ADAD2: variants seen among roughly 807,000 people sequenced by gnomAD.
ADAD2 encodes the protein adenosine deaminase domain-containing protein 2.
In ADAD2, 60 loss-of-function variants were observed where a neutral mutation model predicts 54.5. The observed-to-expected ratio is 1.10, with a 90% confidence interval of 0.89 to 1.36. The LOEUF is 1.36. Among genes scored for constraint, ADAD2 ranks in the 40% most tolerant of loss-of-function variants. ADAD2 has a pLI of 0.00. For synonymous variants in ADAD2, 543 were observed against 366.2 expected (o/e 1.48, Z -5.51); for missense variants, 1,103 against 801.3 (o/e 1.38, Z -4.54).
intron 6 of ADAD2, 27 bp from the exon 7 acceptor site, chr16:84,195,788 T>A: frequency 6.4e-7 from 1 of 1,571,242 alleles, no homozygotes; most frequent in Non-Finnish European, 8.6e-7. Context: ...GCCCTGAAGC[T>A]GATGTCTGTC....
chr16:84,194,277 G>A (rs769312079), intron 1 of ADAD2, 165 bp from the exon 2 acceptor site: 4 of 1,551,626 alleles, frequency 2.6e-6, no homozygotes, highest in Non-Finnish European at 3.5e-6. Flanking sequence ...ACTCAAGGGT[G>A]TGCGCGGCAT....
Position 84,196,965 on chromosome 16 carries a change from C to A in ADAD2, c.1743C>A (p.Phe581Leu), listed in dbSNP as rs1267837859. ...AWPSKPLVGK[F>L]RN ...CCTCGAAGCCACTGGTGGGCAAATT[C>A]AGAAACTGAAGCCAGCCTCGGCGGG... The change falls in exon 10 of 10, where the codon TTC becomes TTA. Residue 581 changes from phenylalanine to leucine, a missense_variant. Phe to Leu is a conservative substitution (Grantham distance 22). Coordinates refer to ENST00000315906, the MANE Select transcript of ADAD2 (RefSeq NM_001145400.2). The A allele has an allele frequency of 6.2e-7, 1 of 1,602,424 alleles. No homozygotes were observed.
Position 84,191,373 on chromosome 16 carries a change from C to A in ADAD2, c.143C>A (p.Ala48Glu), listed in dbSNP as rs769891679. Reference protein sequence around the residue: ...QAQSAWGPAPAPATYRAEGGW... With the variant: ...QAQSAWGPAPEPATYRAEGGW... Reference sequence around the variant, plus strand: ...CAAAGTGCCTGGGGGCCCGCGCCCGCGCCCGCGACGTATCGCGCGGAGGGC... The same window carrying A: ...CAAAGTGCCTGGGGGCCCGCGCCCGAGCCCGCGACGTATCGCGCGGAGGGC... Residue 48 changes from alanine to glutamate, a missense_variant, in exon 1 of 10, where the codon GCG (alanine) becomes GAG (glutamate). Coordinates refer to ENST00000315906, the MANE Select transcript of ADAD2 (RefSeq NM_001145400.2). The A allele has an allele frequency of 2.0e-6, 3 of 1,526,970 alleles. No homozygotes were observed. The highest frequency in any genetic ancestry group is 2.6e-6 in the Non-Finnish European group (3 of 1,142,210). The allele number at this position is 1,526,970 out of a possible 1,614,324, so 94.6% of individuals were successfully genotyped here. A position where few individuals can be genotyped will look rare whatever the true frequency, so the allele number is the denominator to read the frequency against.
In ADAD2 at chr16:84,195,997, T is replaced by G. The variant is rs1336696935; in HGVS notation, c.1235T>G (p.Leu412Arg). 1 of 1,598,724 alleles carries G rather than the reference T, an allele frequency of 6.3e-7. No homozygotes were observed. The highest frequency in any genetic ancestry group is 8.5e-7 in the Non-Finnish European group (1 of 1,179,608). Residue 412 changes from leucine to arginine, a missense_variant, in exon 7 of 10, where the codon CTG (leucine) becomes CGG (arginine). Coordinates refer to ENST00000315906, the MANE Select transcript of ADAD2 (RefSeq NM_001145400.2). ...GCCGTGCTGGGGCTGGGTGGTGCCC[T>G]GCTGGCCCACCTGGTGTCCCCACTC... ...RWAVLGLGGA[L>R]LAHLVSPLYS...
In ADAD2 at chr16:84,191,466, G is replaced by A; in HGVS notation, c.236G>A (p.Gly79Glu). The change falls in exon 1 of 10, where the codon GGG (glycine) becomes GAG (glutamate). Residue 79 changes from glycine to glutamate, a missense_variant. Physicochemically the swap from Gly to Glu is moderately conservative, Grantham distance 98. Coordinates refer to ENST00000315906, the MANE Select transcript of ADAD2 (RefSeq NM_001145400.2). ...GCAGGGGCCGGAGTCGGGGAACTGG[G>A]GGCAGCCCGGGCGTGGGAAAACTTG... ...PGAGAGVGEL[G>E]AARAWENLGE... 9.8e-6 allele frequency: 15 copies of A among 1,532,988 alleles called. No homozygotes were observed. Among genetic ancestry groups the A allele is most frequent in the Non-Finnish European group, 1.3e-5 (15 of 1,142,102 alleles). The allele number at this position is 1,532,988 out of a possible 1,614,324, so 95.0% of individuals were successfully genotyped here.
At chr16:84,191,692 C>T (rs1433224928) in intron 1 of ADAD2, 44 bp downstream of exon 1, 3 of 1,544,838 alleles carry the variant, frequency 1.9e-6, no homozygotes, top group East Asian at 2.4e-5. Flanking sequence ...GGCAGAGCCA[C>T]GGAGGGCTGG....
In ADAD2 at chr16:84,195,462, G is replaced by T. The variant is rs543385532; in HGVS notation, c.884+16G>T. 1.2e-6 allele frequency: 2 copies of T among 1,606,908 alleles called. No individual in the cohort carries two copies. The highest frequency in any genetic ancestry group is 8.5e-7 in the Non-Finnish European group (1 of 1,176,796). ...CCCTGCTGAGGTGAGGGGCAGTGGG[G>T]TGGGCGCCTGATAGCAGCCTTCGCC... On this transcript the variant is annotated intron_variant, in intron 5 of 9. Coordinates refer to ENST00000315906, the MANE Select transcript of ADAD2 (RefSeq NM_001145400.2).
At chr16:84,194,393 C>G in intron 1 of ADAD2, 49 bp from the exon 2 acceptor site, 1 of 1,583,454 alleles carries the variant, frequency 6.3e-7, no homozygotes, top group Non-Finnish European at 8.6e-7. Flanking sequence ...TGGTACCTGT[C>G]ACAGGGCGAA....
Position 84,196,279 on chromosome 16 carries a change from C to T in ADAD2, c.1435C>T (p.Pro479Ser), listed in dbSNP as rs752741067. The T allele has an allele frequency of 1.9e-6, 3 of 1,612,824 alleles. No homozygotes were observed. The highest frequency in any genetic ancestry group is 2.5e-6 in the Non-Finnish European group (3 of 1,179,980). Residue 479 changes from proline to serine, a missense_variant, in exon 8 of 10, where the codon CCT (proline) becomes TCT (serine). By Grantham distance (74) the Pro-to-Ser change is moderately conservative. Transcript: ENST00000315906. The stretch of plus-strand genomic sequence containing the variant: ...CCCGGTGGCCCCTTCCGAACCCACC[C>T]CTGACACCTGCCGTGGCCTGAGCCT... The part of the protein sequence containing the change: ...GPPVAPSEPT[P>S]DTCRGLSLNW...
rs2303243 is a variant in ADAD2 at position 84,196,894 on chromosome 16, A to T, written c.1672A>T (p.Arg558Trp). ...GGCTGGGCCCTACCAGGAGGCTCGCAGGCAGCTGTCTCTCCTCCTGGACCA... is the reference window on the plus strand; with the variant it reads ...GGCTGGGCCCTACCAGGAGGCTCGCTGGCAGCTGTCTCTCCTCCTGGACCA... Reference protein sequence around the residue: ...AKAGPYQEARRQLSLLLDQQG... With the variant: ...AKAGPYQEARWQLSLLLDQQG... The change falls in exon 10 of 10, where the codon AGG (arginine) becomes TGG (tryptophan). Residue 558 changes from arginine (R) to tryptophan (W), a missense_variant. Transcript: ENST00000315906. 1.2e-4 allele frequency: 191 copies of T among 1,592,082 alleles called. No homozygotes were observed. Among genetic ancestry groups the T allele is most frequent in the Admixed American group, 8.9e-5 (5 of 56,368 alleles).
rs763929255 is a variant in ADAD2, at chr16:84,194,377, C to T, written c.419-65C>T. ...CTCGATATCAGGTGTCAGGAGGAGG[C>T]AGAGGTGGTACCTGTCACAGGGCGA... On this transcript the variant is annotated intron_variant, in intron 1 of 9. Transcript: ENST00000315906. 8 of 1,568,370 alleles carry T rather than the reference C, an allele frequency of 5.1e-6. No individual in the cohort carries two copies. The South Asian group carries it at 8.1e-5, about 16-fold the overall frequency.
At position 84,191,455 on chromosome 16, in the gene ADAD2, C is replaced by T. The variant is rs369144450; in HGVS notation, c.225C>T (p.Val75=). ...GTGGGCCTGGGGCAGGGGCCGGAGT[C>T]GGGGAACTGGGGGCAGCCCGGGCGT... ...RDSGPGAGAG[V]GELGAARAWE... Residue 75 remains valine (V), a synonymous_variant, in exon 1 of 10, where the codon GTC becomes GTT. Coordinates refer to ENST00000315906, the MANE Select transcript of ADAD2 (RefSeq NM_001145400.2). 3 of 1,526,822 alleles carry T rather than the reference C, an allele frequency of 2.0e-6. No homozygotes were observed. Among genetic ancestry groups the T allele is most frequent in the South Asian group, 2.4e-5 (2 of 82,632 alleles). 94.6% of individuals were successfully genotyped at this position (1,526,822 alleles called of 1,614,324 possible).
intron 1 of ADAD2, chr16:84,191,991 A>G (rs1029557720): frequency 4.6e-6 from 2 of 436,072 alleles, no homozygotes; most frequent in Non-Finnish European, 4.3e-6. Flanking sequence ...CTAGCATTGG[A>G]GATACCGAAA....
chr16:84,195,901 G>A lies in ADAD2; in HGVS notation c.1139G>A (p.Cys380Tyr). ...GTGCTCGGGCAGCTGAAGCCTGTGT[G>A]CTACGTGGCGCCCTCGCTCTGTGAC... Reference protein sequence around the residue: ...AHVLGQLKPVCYVAPSLCDTH... With the variant: ...AHVLGQLKPVYYVAPSLCDTH... Residue 380 changes from cysteine (C) to tyrosine (Y), a missense_variant, in exon 7 of 10, where the codon TGC (cysteine) becomes TAC (tyrosine). Physicochemically the swap from Cys to Tyr is radical, Grantham distance 194 (BLOSUM62 -2). Coordinates refer to ENST00000315906, the MANE Select transcript of ADAD2 (RefSeq NM_001145400.2). 1 of 1,601,844 alleles carries A rather than the reference G, an allele frequency of 6.2e-7. No homozygotes were observed. The highest frequency in any genetic ancestry group is 1.1e-5 in the South Asian group (1 of 91,030).
intron 1 of ADAD2, chr16:84,193,502 G>T (rs2089684324): frequency 6.5e-6 from 1 of 154,590 alleles, no homozygotes; most frequent in African/African-American, 2.4e-5. Flanking sequence ...ATCTCACCAG[G>T]AAGTGTGCGA....
rs527684587 is a variant in ADAD2 at position 84,191,718 on chromosome 16, G to T, written c.418+70G>T. ...GGAGGGCTGGGTCCCAGGACGTGGG[G>T]AGCAGGGGGTCTGGGGAAGGTGGAC... On this transcript the variant is annotated intron_variant, in intron 1 of 9. Transcript: ENST00000315906. 120 of 1,537,256 alleles carry T rather than the reference G, an allele frequency of 7.8e-5. 1 individual carries two copies. The African/African-American group carries it at 1.5e-3, about 20-fold the overall frequency.
rs2089741784 is a variant in ADAD2, at chr16:84,197,037, A to G, written c.*63A>G. 1 of 1,485,394 alleles carries G rather than the reference A, an allele frequency of 6.7e-7. No homozygotes were observed. The highest frequency in any genetic ancestry group is 9.2e-7 in the Non-Finnish European group (1 of 1,090,920). The allele number at this position is 1,485,394 out of a possible 1,614,324, so 92.0% of individuals were successfully genotyped here. A position where few individuals can be genotyped will look rare whatever the true frequency, so the allele number is the denominator to read the frequency against. ...TGTACCCCTGCTGGGGGAGTGCCCT[A>G]TCTGAGGAGCGTTGTGGGGAGAACA... On this transcript the variant is annotated 3_prime_UTR_variant, in exon 10 of 10. Coordinates refer to ENST00000315906, the MANE Select transcript of ADAD2 (RefSeq NM_001145400.2).
At position 84,196,954 on chromosome 16, in the gene ADAD2, G is replaced by A. The variant is rs1226953207; in HGVS notation, c.1732G>A (p.Val578Met). The A allele has an allele frequency of 1.2e-6, 2 of 1,604,244 alleles. No individual in the cohort carries two copies. Among genetic ancestry groups the A allele is most frequent in the Non-Finnish European group, 8.5e-7 (1 of 1,176,640 alleles). ...GGGGGCTTGGCCCTCGAAGCCACTG[G>A]TGGGCAAATTCAGAAACTGAAGCCA... ...GLGAWPSKPL[V>M]GKFRN The change falls in exon 10 of 10, where the codon GTG (valine) becomes ATG (methionine). Residue 578 changes from valine (V) to methionine (M), a missense_variant. Transcript: ENST00000315906.
In ADAD2 at chr16:84,191,436, C is replaced by G; in HGVS notation, c.206C>G (p.Pro69Arg). The change falls in exon 1 of 10, where the codon CCT becomes CGT. Residue 69 changes from proline (P) to arginine (R), a missense_variant. Pro to Arg is a moderately radical substitution (Grantham distance 103). Coordinates refer to ENST00000315906, the MANE Select transcript of ADAD2 (RefSeq NM_001145400.2). ...PQVSVLRDSG[P>R]GAGAGVGELG... ...GTCTCGGTGTTGAGGGACAGTGGGC[C>G]TGGGGCAGGGGCCGGAGTCGGGGAA... 6.0e-6 allele frequency: 9 copies of G among 1,512,420 alleles called. No homozygotes were observed. The highest frequency in any genetic ancestry group is 7.1e-6 in the Non-Finnish European group (8 of 1,133,642). The allele number at this position is 1,512,420 out of a possible 1,614,324, so 93.7% of individuals were successfully genotyped here. A position where few individuals can be genotyped will look rare whatever the true frequency, so the allele number is the denominator to read the frequency against.
Sources: gnomAD v4.1 joint callset for allele counts on GRCh38, gnomAD v4.1.1 for gene constraint, MANE v1.5 for transcripts, NCBI Gene and HGNC (gene_info 2026-07-23, HGNC 2026-07-21) for gene names.